The following KLF12 variants were observed in gnomAD, a reference collection of about 807,000 sequenced individuals.
KLF12 encodes the protein KLF transcription factor 12, also known as Krueppel-like factor 12.
KLF12 carries 9 observed loss-of-function variants against 37.8 expected under a neutral mutation model. The observed-to-expected ratio is 0.24, with a 90% confidence interval of 0.14 to 0.42. The LOEUF (loss-of-function observed/expected upper bound fraction) is 0.42. Ranked by LOEUF, KLF12 falls within the 10% of genes least tolerant of loss-of-function variation. The pLI is 1.00. For synonymous variants in KLF12, 208 were observed against 202.1 expected (o/e 1.03, Z -0.25); for missense variants, 411 against 516.0 (o/e 0.80, Z 1.97).
Position 73,745,705 on chromosome 13 carries a change from T to C in KLF12, c.869+19233A>G, listed in dbSNP as rs1156417395. ...TAGAATCAGAGGCCTCCAAATCTAT[T>C]AATAATCACAAATTTGCAAAAGCTA... On this transcript the variant is annotated intron_variant, in intron 6 of 7. Coordinates refer to ENST00000377669, the MANE Select transcript of KLF12 (RefSeq NM_007249.5). Among the ~76,000 whole-genome samples, 3 of 152,284 alleles carry C rather than the reference T, an allele frequency of 2.0e-5. No individual in the cohort carries two copies. The South Asian group carries it at 6.2e-4, about 32-fold the overall frequency.
At chr13:74,149,072 C>T in the KLF12 span, among the ~76,000 whole-genome samples, 1 of 152,174 alleles carries the variant, frequency 6.6e-6, no homozygotes, top group African/African-American at 2.4e-5. Context: ...GTCTCGGCCT[C>T]CCAAAGTAGT....
chr13:74,070,046 A>G (rs960014047), intron 1 of KLF12, among the ~76,000 whole-genome samples: 7 of 152,212 alleles, frequency 4.6e-5, no homozygotes, highest in Admixed American at 3.9e-4. Context: ...CTCTATGGGT[A>G]GAATTTGAAG....
the KLF12 span, among the ~76,000 whole-genome samples, chr13:74,145,983 G>A: frequency 6.6e-6 from 1 of 152,128 alleles, no homozygotes; most frequent in Non-Finnish European, 1.5e-5. Flanking sequence ...CTAAAAGAAG[G>A]TTTTATTTTT....
intron 3 of KLF12, among the ~76,000 whole-genome samples, chr13:73,867,247 CA>C (rs1240809023): frequency 2.7e-5 from 4 of 150,868 alleles, no homozygotes; most frequent in Admixed American, 6.6e-5. Context: ...ATGAAAAAAA[CA>C]CTAGGCAAAT....
At chr13:73,789,072 T>A (rs1881513074) in intron 5 of KLF12, among the ~76,000 whole-genome samples, 1 of 152,214 alleles carries the variant, frequency 6.6e-6, no homozygotes, top group Non-Finnish European at 1.5e-5. Flanking sequence ...TTTTTCATTT[T>A]CCTTTGATGA....
chr13:74,292,589 C>T, the KLF12 span, among the ~76,000 whole-genome samples: 1 of 151,974 alleles, frequency 6.6e-6, no homozygotes, highest in African/African-American at 2.4e-5. Flanking sequence ...CCATACTAAC[C>T]TTCTTGCAAC....
chr13:73,756,543 G>T (rs568422332), intron 6 of KLF12, among the ~76,000 whole-genome samples: 1 of 152,162 alleles, frequency 6.6e-6, no homozygotes, highest in Non-Finnish European at 1.5e-5. Context: ...TTTCTAAAAC[G>T]TAAGGCATTA....
At chr13:73,799,198 G>C (rs1209308108) in intron 5 of KLF12, among the ~76,000 whole-genome samples, 1 of 152,132 alleles carries the variant, frequency 6.6e-6, no homozygotes, top group Non-Finnish European at 1.5e-5. Flanking sequence ...TTACATGTGG[G>C]AGCAAAATGA....
intron 6 of KLF12, among the ~76,000 whole-genome samples, chr13:73,728,872 G>A (rs1876854969): frequency 6.6e-6 from 1 of 152,154 alleles, no homozygotes; most frequent in Non-Finnish European, 1.5e-5. Flanking sequence ...TTTCTTGTGA[G>A]GTCTTTGTCT....
chr13:73,693,345 G>A lies in KLF12; in HGVS notation c.*2145C>T, dbSNP rs1693762879. The A allele has an allele frequency of 6.6e-6, 1 of 152,166 alleles. No homozygotes were observed. The highest frequency in any genetic ancestry group is 6.5e-5 in the Admixed American group (1 of 15,268). 9.4% of individuals were successfully genotyped at this position (152,166 alleles called of 1,614,324 possible). ...TCCAGGTGCTAAAAAAAACCCACTG[G>A]TTGATGAGTAGTAGACTGTGCAGCT... is the stretch of plus-strand genomic sequence containing the variant. On this transcript the variant is annotated 3_prime_UTR_variant, in exon 8 of 8. Transcript: ENST00000377669.
chr13:73,741,897 C>T (rs539407058), intron 6 of KLF12, among the ~76,000 whole-genome samples: 11 of 152,254 alleles, frequency 7.2e-5, no homozygotes, highest in African/African-American at 2.4e-4. Context: ...GCACTAAGCT[C>T]GGGGGATGCA....
chr13:73,805,610 AAGGGAGGGAGGGAGGGAGGGAGGGAGGG>A (rs1175434136), intron 5 of KLF12, among the ~76,000 whole-genome samples: 1 of 67,024 alleles, frequency 1.5e-5, no homozygotes, highest in African/African-American at 6.6e-5. Context: ...TGTCAGAAGG[AAGGGAGGGAGGGAGGGAGGGAGGGAGGG>A]AGGGAGGGAG....
chr13:74,102,632 G>C (rs908827599), intron 1 of KLF12, among the ~76,000 whole-genome samples: 3 of 151,808 alleles, frequency 2.0e-5, no homozygotes, highest in Non-Finnish European at 4.4e-5. Flanking sequence ...GGGAGGTGGG[G>C]GGTTGCAGTG....
the KLF12 span, among the ~76,000 whole-genome samples, chr13:74,198,224 G>A: frequency 1.3e-5 from 2 of 152,144 alleles, no homozygotes; most frequent in Non-Finnish European, 2.9e-5. Flanking sequence ...GGAAAGAAGT[G>A]TCTCCTGGCT....
At chr13:73,713,093 G>T (rs1875529242) in intron 7 of KLF12, among the ~76,000 whole-genome samples, 1 of 152,210 alleles carries the variant, frequency 6.6e-6, no homozygotes, top group Non-Finnish European at 1.5e-5. Flanking sequence ...CAGTTGGAGT[G>T]TATCTACAAA....
intron 1 of KLF12, among the ~76,000 whole-genome samples, chr13:74,083,045 T>C (rs773619070): frequency 4.6e-5 from 7 of 152,190 alleles, no homozygotes; most frequent in Non-Finnish European, 1.0e-4. Flanking sequence ...AAAGTTTACC[T>C]TGGGTTATCT....
intron 1 of KLF12, among the ~76,000 whole-genome samples, chr13:74,004,364 A>G (rs971728347): frequency 6.6e-6 from 1 of 152,174 alleles, no homozygotes; most frequent in Non-Finnish European, 1.5e-5. Flanking sequence ...AATCCTCACA[A>G]CCTTGTGAAG....
intron 1 of KLF12, among the ~76,000 whole-genome samples, chr13:74,025,654 C>T (rs1892958661): frequency 6.6e-6 from 1 of 151,958 alleles, no homozygotes; most frequent in Admixed American, 6.6e-5. Context: ...CATTTACTAA[C>T]ATATACTGAG....
In KLF12 at chr13:73,690,444, G is replaced by C. The variant is rs1873752310; in HGVS notation, c.*5046C>G. 1 of 152,192 alleles carries C rather than the reference G, an allele frequency of 6.6e-6. No individual in the cohort carries two copies. Among genetic ancestry groups the C allele is most frequent in the Admixed American group, 6.5e-5 (1 of 15,278 alleles). 9.4% of individuals were successfully genotyped at this position (152,192 alleles called of 1,614,324 possible). On this transcript the variant is annotated 3_prime_UTR_variant, in exon 8 of 8. Coordinates refer to ENST00000377669, the MANE Select transcript of KLF12 (RefSeq NM_007249.5). ...TTGAGGAGGGAGATAACTGAGAAAA[G>C]AGAACAATTGTAAGATGCTCCTCTT...
Sources: gnomAD v4.1 joint callset for allele counts (sites outside exome capture counted in the v4.1 genomes callset) on GRCh38, gnomAD v4.1.1 for gene constraint, MANE v1.5 for transcripts, NCBI Gene and HGNC (gene_info 2026-07-23, HGNC 2026-07-21) for gene names.